SYNJ1: variants seen among roughly 807,000 people sequenced by gnomAD.
SYNJ1 encodes the protein polyphosphatidylinositol phosphatase SYNJ1.
A neutral mutation model predicts 168.2 loss-of-function variants in SYNJ1; 78 were observed. The ratio of observed to expected loss-of-function variants is 0.46; its 90% CI spans 0.39 to 0.56. The LOEUF is 0.56. Ranked by LOEUF, SYNJ1 falls within the 20% of genes least tolerant of loss-of-function variation. SYNJ1 has a pLI of 0.00. For synonymous variants in SYNJ1, 539 were observed against 548.6 expected, an observed-to-expected ratio of 0.98 and a Z score of 0.24; for missense variants, 1,303 against 1,597.6, an observed-to-expected ratio of 0.82 and a Z score of 3.14.
chr21:32,668,600 C>T (rs1014752519), intron 15 of SYNJ1, among the ~76,000 whole-genome samples: 1 of 152,100 alleles, frequency 6.6e-6, no homozygotes, highest in African/African-American at 2.4e-5. Flanking sequence ...TTGTCACTTG[C>T]AAGATTGATG....
intron 17 of SYNJ1, 91 bp downstream of exon 17, chr21:32,665,852 C>T: frequency 1.5e-6 from 2 of 1,306,056 alleles, no homozygotes; most frequent in Non-Finnish European, 2.1e-6. Flanking sequence ...TAGGAACTAT[C>T]TTAAATTTCC....
chr21:32,675,700 C>T (rs1049223363), intron 13 of SYNJ1, among the ~76,000 whole-genome samples: 9 of 151,938 alleles, frequency 5.9e-5, no homozygotes, highest in Admixed American at 2.6e-4. Flanking sequence ...TAAACCTTGC[C>T]CAGAGAATGA....
intron 18 of SYNJ1, among the ~76,000 whole-genome samples, chr21:32,661,526 T>TAGGA (rs2040701371): frequency 6.6e-6 from 1 of 152,102 alleles, no homozygotes; most frequent in South Asian, 2.1e-4. Context: ...GGACTGCCCT[T>TAGGA]ACGAATTGGC....
At chr21:32,654,366 C>T (rs896432892) in intron 21 of SYNJ1, among the ~76,000 whole-genome samples, 17 of 152,224 alleles carry the variant, frequency 1.1e-4, no homozygotes, top group African/African-American at 3.4e-4. Flanking sequence ...AGGCAACTGA[C>T]TCAATTTCTT....
intron 2 of SYNJ1, among the ~76,000 whole-genome samples, chr21:32,720,597 T>C (rs2043185750): frequency 6.6e-6 from 1 of 152,244 alleles, no homozygotes; most frequent in South Asian, 2.1e-4. Flanking sequence ...ATTTATAAAA[T>C]GCATGATTTG....
chr21:32,645,607 AT>A, intron 25 of SYNJ1, 38 bp downstream of exon 25: 8 of 1,495,586 alleles, frequency 5.3e-6, no homozygotes, highest in Non-Finnish European at 7.1e-6. Context: ...AGAGTGAAGA[AT>A]TTTACATCTA....
intron 14 of SYNJ1, chr21:32,670,960 C>T (rs2041162118): frequency 3.2e-6 from 1 of 314,278 alleles, no homozygotes; most frequent in African/African-American, 2.3e-5. Flanking sequence ...GAGAAAGCAG[C>T]CCAGGGAGAC....
chr21:32,637,816 T>C (rs1164558941), intron 31 of SYNJ1, among the ~76,000 whole-genome samples: 1 of 152,240 alleles, frequency 6.6e-6, no homozygotes, highest in Non-Finnish European at 1.5e-5. Context: ...CCTTCAACTT[T>C]TACAAATGTG....
intron 2 of SYNJ1, among the ~76,000 whole-genome samples, chr21:32,714,791 C>T (rs1033507585): frequency 2.8e-4 from 42 of 152,176 alleles, no homozygotes; most frequent in African/African-American, 9.4e-4. Context: ...CTTCTTCTGC[C>T]AATGATCTAC....
At chr21:32,686,571 T>C (rs1285770097) in intron 8 of SYNJ1, among the ~76,000 whole-genome samples, 3 of 152,182 alleles carry the variant, frequency 2.0e-5, no homozygotes, top group African/African-American at 7.2e-5. Flanking sequence ...TAGCGTTGCA[T>C]GTATATAAAT....
At chr21:32,705,038 A>G (rs572290723) in intron 2 of SYNJ1, among the ~76,000 whole-genome samples, 1 of 151,770 alleles carries the variant, frequency 6.6e-6, no homozygotes, top group Non-Finnish European at 1.5e-5. Context: ...AGTCCCAGCT[A>G]CTCGGGAAGT....
Position 32,646,612 on chromosome 21 carries a change from A to C in SYNJ1, c.3038-10T>G. On this transcript the variant is annotated splice_polypyrimidine_tract_variant and intron_variant, in intron 23 of 32. Coordinates refer to ENST00000674351, the MANE Select transcript of SYNJ1 (RefSeq NM_203446.3). ...TAGTCATCAACATCACCTAAGGAAA[A>C]GCAGGCTTGATCAGAGATAACTCCA... 1 of 1,609,548 alleles carries C rather than the reference A, an allele frequency of 6.2e-7. No individual in the cohort carries two copies. Among genetic ancestry groups the C allele is most frequent in the Non-Finnish European group, 8.5e-7 (1 of 1,175,988 alleles).
At chr21:32,725,236 AC>A (rs1747957698) in intron 2 of SYNJ1, among the ~76,000 whole-genome samples, 1 of 152,202 alleles carries the variant, frequency 6.6e-6, no homozygotes. Flanking sequence ...TCACCAAAAA[AC>A]ACAAGCAGCT....
intron 31 of SYNJ1, among the ~76,000 whole-genome samples, chr21:32,635,780 T>A (rs756301070): frequency 1.7e-4 from 26 of 152,278 alleles, no homozygotes; most frequent in Non-Finnish European, 3.1e-4. Context: ...TATCATTAAT[T>A]TACTTCATAA....
intron 26 of SYNJ1, among the ~76,000 whole-genome samples, chr21:32,643,896 T>C (rs898975665): frequency 2.6e-5 from 4 of 152,222 alleles, no homozygotes; most frequent in African/African-American, 4.8e-5. Flanking sequence ...AAAACTCTAA[T>C]GTACTATAAT....
intron 2 of SYNJ1, among the ~76,000 whole-genome samples, chr21:32,725,971 G>C (rs1303815706): frequency 6.6e-6 from 1 of 152,102 alleles, no homozygotes; most frequent in African/African-American, 2.4e-5. Context: ...CTCCCAAGTA[G>C]CGGGGACTAA....
rs538934316 is a variant in SYNJ1, at chr21:32,657,712, C to T, written c.2461+4G>A. ...CATTTAAATAAAGAAGCCCATTTCCCAACCTGATCTATCAAAAGGCCATTT... is the reference window on the plus strand; with the variant it reads ...CATTTAAATAAAGAAGCCCATTTCCTAACCTGATCTATCAAAAGGCCATTT... On this transcript the variant is annotated splice_donor_region_variant and intron_variant, in intron 19 of 32. Transcript: ENST00000674351. The T allele has an allele frequency of 8.8e-6, 14 of 1,583,670 alleles. No homozygotes were observed. In the African/African-American group the frequency reaches 1.8e-4, roughly 20 times the overall value.
chr21:32,658,036 A>C (rs2040528327), intron 18 of SYNJ1, among the ~76,000 whole-genome samples, 164 bp from the exon 19 acceptor site: 1 of 152,210 alleles, frequency 6.6e-6, no homozygotes, highest in Non-Finnish European at 1.5e-5. Context: ...GCTTAGAAAA[A>C]TAACCTGAGA....
chr21:32,666,041 G>T lies in SYNJ1; in HGVS notation c.2047C>A (p.Leu683Ile). Residue 683 changes from leucine to isoleucine, a missense_variant, in exon 17 of 33, where the codon CTT (leucine) becomes ATT (isoleucine). By Grantham distance (5) the Leu-to-Ile change is conservative. Transcript: ENST00000674351. ...AIRMLFHTTS[L>I]CFVCSHFAAG... ...GCAAAGTGGCTACAGACGAAGCAAAGGCTGGTTGTATGGAAGAGCATTCGG... is the reference window on the plus strand; with the variant it reads ...GCAAAGTGGCTACAGACGAAGCAAATGCTGGTTGTATGGAAGAGCATTCGG... The T allele has an allele frequency of 6.2e-7, 1 of 1,614,088 alleles. No homozygotes were observed. Among genetic ancestry groups the T allele is most frequent in the African/African-American group, 1.3e-5 (1 of 75,038 alleles).
Sources: gnomAD v4.1 joint callset for allele counts (sites outside exome capture counted in the v4.1 genomes callset) on GRCh38, gnomAD v4.1.1 for gene constraint, MANE v1.5 for transcripts, NCBI Gene and HGNC (gene_info 2026-07-23, HGNC 2026-07-21) for gene names.